Variants in GXYLT2 observed in about 807,000 individuals in gnomAD.
GXYLT2 encodes the protein glucoside xylosyltransferase 2, also known as glycosyltransferase 8 domain containing 4.
In GXYLT2, 53 loss-of-function variants were observed where a neutral mutation model predicts 45.8. That is an observed-to-expected ratio of 1.16 (90% confidence interval 0.93 to 1.46). GXYLT2 has a LOEUF of 1.46. Among genes scored for constraint, GXYLT2 ranks in the 40% most tolerant of loss-of-function variants. The pLI, the probability that GXYLT2 is intolerant of heterozygous loss-of-function variation, is 0.00. For synonymous variants in GXYLT2, 219 were observed against 214.2 expected, an observed-to-expected ratio of 1.02 and a Z score of -0.19; for missense variants, 551 against 544.4, an observed-to-expected ratio of 1.01 and a Z score of -0.12.
At chr3:72,969,402 A>G (rs1302935422) in intron 6 of GXYLT2, among the ~76,000 whole-genome samples, 5 of 151,960 alleles carry the variant, frequency 3.3e-5, no homozygotes, top group African/African-American at 1.2e-4. Context: ...CAAAAAAAAA[A>G]AAAAAAATTC....
chr3:72,950,418 G>T (rs1234048491), intron 3 of GXYLT2, among the ~76,000 whole-genome samples: 1 of 152,076 alleles, frequency 6.6e-6, no homozygotes, highest in Admixed American at 6.6e-5. Context: ...CCGAGATCAC[G>T]CCATTGCACT....
rs35108267 is a variant in GXYLT2 at position 72,912,013 on chromosome 3, A to ATTTTTTTTTT, written c.468+3460_468+3469dup. Among the ~76,000 whole-genome samples, 32 of 114,920 alleles carry ATTTTTTTTTT rather than the reference A, an allele frequency of 2.8e-4. 1 individual carries two copies. Among genetic ancestry groups the ATTTTTTTTTT allele is most frequent in the African/African-American group, 1.2e-3 (31 of 25,126 alleles). 75.4% of individuals were successfully genotyped at this position (114,920 alleles called of 152,430 possible). On this transcript the variant is annotated intron_variant, in intron 2 of 6. Transcript: ENST00000389617. ...TGTGTGTATATATATATATATATAT[A>ATTTTTTTTTT]TTTTTTTTTTTTTTTGAGACAGCGT...
chr3:72,944,468 T>A (rs979120188), intron 3 of GXYLT2, among the ~76,000 whole-genome samples: 2 of 152,002 alleles, frequency 1.3e-5, no homozygotes, highest in African/African-American at 2.4e-5. Flanking sequence ...TTGGCCAGGC[T>A]GGTCTTGAAC....
At position 72,967,527 on chromosome 3, in the gene GXYLT2, C is replaced by G; in HGVS notation, c.977-20C>G. On this transcript the variant is annotated intron_variant, in intron 5 of 6. Transcript: ENST00000389617. ...TGGCACTAACCGTGGACATATATGT[C>G]TTTCTCTTTTTACCACCAGAGTGTC... The G allele has an allele frequency of 1.2e-6, 2 of 1,605,982 alleles. No homozygotes were observed. The highest frequency in any genetic ancestry group is 8.5e-7 in the Non-Finnish European group (1 of 1,173,702).
At chr3:72,893,433 C>T (rs916289961) in intron 1 of GXYLT2, among the ~76,000 whole-genome samples, 11 of 152,190 alleles carry the variant, frequency 7.2e-5, no homozygotes, top group Non-Finnish European at 1.3e-4. Flanking sequence ...TCCTGCTAGC[C>T]GCTCGAGTAC....
intron 4 of GXYLT2, 71 bp from the exon 5 acceptor site, chr3:72,957,158 T>C: frequency 6.7e-7 from 1 of 1,482,116 alleles, no homozygotes; most frequent in Non-Finnish European, 9.1e-7. Context: ...ACTAGTCCCT[T>C]TACATTGTTT....
At chr3:72,933,804 A>T (rs1274606217) in intron 3 of GXYLT2, among the ~76,000 whole-genome samples, 1 of 152,048 alleles carries the variant, frequency 6.6e-6, no homozygotes, top group African/African-American at 2.4e-5. Context: ...GGGGGGGCCG[A>T]GCTTGGAGGA....
At chr3:72,915,460 T>C (rs1709722433) in intron 2 of GXYLT2, among the ~76,000 whole-genome samples, 1 of 151,310 alleles carries the variant, frequency 6.6e-6, no homozygotes, top group Admixed American at 6.6e-5. Context: ...TTTTCCGTGT[T>C]GCTCTGCAGA....
rs1428628062 is a variant in GXYLT2 at position 72,976,006 on chromosome 3, A to G, written c.*847A>G. On this transcript the variant is annotated 3_prime_UTR_variant, in exon 7 of 7. Coordinates refer to ENST00000389617, the MANE Select transcript of GXYLT2 (RefSeq NM_001080393.2). ...GAATGCAGTGGCAGGATCTCGGCTC[A>G]CTGCAGCTTCCACCTCCTGGGTTCA... 1 of 143,590 alleles carries G rather than the reference A, an allele frequency of 7.0e-6. No individual in the cohort carries two copies. The highest frequency in any genetic ancestry group is 1.5e-5 in the Non-Finnish European group (1 of 67,146). The allele number at this position is 143,590 out of a possible 1,614,324, so 8.9% of individuals were successfully genotyped here.
At chr3:72,900,664 C>T (rs1010697324) in intron 1 of GXYLT2, among the ~76,000 whole-genome samples, 1 of 151,858 alleles carries the variant, frequency 6.6e-6, no homozygotes, top group Non-Finnish European at 1.5e-5. Context: ...GTGATCCACC[C>T]GCCTCGGCCT....
intron 1 of GXYLT2, among the ~76,000 whole-genome samples, chr3:72,901,388 C>T (rs922975266): frequency 2.0e-5 from 3 of 150,082 alleles, no homozygotes; most frequent in Non-Finnish European, 3.0e-5. Context: ...AACTGGGACC[C>T]GAGAGGCAGA....
At chr3:72,896,210 C>A (rs1709289104) in intron 1 of GXYLT2, among the ~76,000 whole-genome samples, 1 of 152,186 alleles carries the variant, frequency 6.6e-6, no homozygotes, top group Non-Finnish European at 1.5e-5. Flanking sequence ...CAAAATGAGA[C>A]AATGCAGGTA....
At chr3:72,901,733 A>G (rs964412418) in intron 1 of GXYLT2, among the ~76,000 whole-genome samples, 1 of 151,310 alleles carries the variant, frequency 6.6e-6, no homozygotes, top group African/African-American at 2.4e-5. Context: ...GCTAATTTGT[A>G]TATTTTTAGT....
chr3:72,896,137 C>T (rs560025802), intron 1 of GXYLT2, among the ~76,000 whole-genome samples: 58 of 152,310 alleles, frequency 3.8e-4, no homozygotes, highest in South Asian at 1.4e-3. Context: ...GCTAAGTACC[C>T]GCGTGACTTT....
intron 2 of GXYLT2, among the ~76,000 whole-genome samples, chr3:72,912,280 G>A (rs982402425): frequency 1.3e-5 from 2 of 151,994 alleles, no homozygotes; most frequent in African/African-American, 4.8e-5. Flanking sequence ...AAAGTGCTGG[G>A]ATTACAGGCA....
At position 72,976,666 on chromosome 3, in the gene GXYLT2, C is replaced by A. The variant is rs775864532; in HGVS notation, c.*1507C>A. ...TAGTTGCTCATATAGTTGGTATCAGCATAGCAATATTTTGCATAATGCTTT... is the reference window on the plus strand; with the variant it reads ...TAGTTGCTCATATAGTTGGTATCAGAATAGCAATATTTTGCATAATGCTTT... On this transcript the variant is annotated 3_prime_UTR_variant, in exon 7 of 7. Transcript: ENST00000389617. 3 of 152,166 alleles carry A rather than the reference C, an allele frequency of 2.0e-5. No individual in the cohort carries two copies. Among genetic ancestry groups the A allele is most frequent in the Non-Finnish European group, 4.4e-5 (3 of 68,036 alleles). The allele number at this position is 152,166 out of a possible 1,614,324, so 9.4% of individuals were successfully genotyped here.
At chr3:72,924,132 A>G (rs1709878219) in intron 3 of GXYLT2, among the ~76,000 whole-genome samples, 1 of 152,050 alleles carries the variant, frequency 6.6e-6, no homozygotes, top group Admixed American at 6.6e-5. Flanking sequence ...AGAATGAAGC[A>G]ATCAGCAGAG....
chr3:72,919,999 C>A (rs1219632884), intron 2 of GXYLT2, among the ~76,000 whole-genome samples: 1 of 152,056 alleles, frequency 6.6e-6, no homozygotes, highest in African/African-American at 2.4e-5. Flanking sequence ...CACATGAATG[C>A]AAGATATAAA....
At chr3:72,937,619 A>G (rs549068414) in intron 3 of GXYLT2, among the ~76,000 whole-genome samples, 1 of 152,218 alleles carries the variant, frequency 6.6e-6, no homozygotes, top group Non-Finnish European at 1.5e-5. Flanking sequence ...TTGAAGCCCA[A>G]GATTCTCCTA....
Sources: gnomAD v4.1 joint callset for allele counts (sites outside exome capture counted in the v4.1 genomes callset) on GRCh38, gnomAD v4.1.1 for gene constraint, MANE v1.5 for transcripts, NCBI Gene and HGNC (gene_info 2026-07-23, HGNC 2026-07-21) for gene names.